Variants in COL5A2 observed in about 807,000 individuals in gnomAD.
COL5A2 encodes collagen type V alpha 2 chain.
A neutral mutation model predicts 208.2 loss-of-function variants in COL5A2; 23 were observed. The observed-to-expected ratio is 0.11, with a 90% CI of 0.08 to 0.16. The LOEUF (loss-of-function observed/expected upper bound fraction) is 0.16, where lower values mean the gene tolerates loss of function less well. Among genes scored for constraint, COL5A2 ranks in the 10% least tolerant of loss-of-function variants. The pLI is 1.00. For synonymous variants in COL5A2, 625 were observed against 628.5 expected (o/e 0.99, Z 0.08); for missense variants, 1,590 against 1,956.4 (o/e 0.81, Z 3.53).
chr2:189,250,834 C>T, the COL5A2 span, among the ~76,000 whole-genome samples: 1 of 152,288 alleles, frequency 6.6e-6, no homozygotes, highest in East Asian at 1.9e-4. Flanking sequence ...AGCTACCATA[C>T]CATCTTCATT....
At chr2:189,174,950 T>C (rs936709771) in intron 1 of COL5A2, among the ~76,000 whole-genome samples, 8 of 152,338 alleles carry the variant, frequency 5.3e-5, no homozygotes, top group African/African-American at 1.7e-4. Flanking sequence ...CTAATATTTA[T>C]GTGCCATTCA....
chr2:189,365,839 G>A, the COL5A2 span, among the ~76,000 whole-genome samples: 1 of 152,200 alleles, frequency 6.6e-6, no homozygotes, highest in African/African-American at 2.4e-5. Flanking sequence ...GTAGCAAAGT[G>A]ACCAGTAAAG....
intron 1 of COL5A2, among the ~76,000 whole-genome samples, chr2:189,220,686 T>C (rs1377898044): frequency 6.6e-6 from 1 of 152,220 alleles, no homozygotes; most frequent in Non-Finnish European, 1.5e-5. Context: ...ATCTGTCATC[T>C]TGGTTATAAA....
intron 1 of COL5A2, among the ~76,000 whole-genome samples, chr2:189,143,275 T>G (rs1314413445): frequency 6.6e-6 from 1 of 152,218 alleles, no homozygotes; most frequent in Non-Finnish European, 1.5e-5. Context: ...CTGTATCTAC[T>G]GGAAGAAGGA....
At chr2:189,150,429 TG>T (rs1688121180) in intron 1 of COL5A2, among the ~76,000 whole-genome samples, 1 of 152,174 alleles carries the variant, frequency 6.6e-6, no homozygotes, top group Non-Finnish European at 1.5e-5. Context: ...CTGAGGTGAT[TG>T]CTGTTTGGAA....
the COL5A2 span, among the ~76,000 whole-genome samples, chr2:189,230,890 C>T: frequency 6.6e-6 from 1 of 151,800 alleles, no homozygotes; most frequent in Non-Finnish European, 1.5e-5. Flanking sequence ...ATTTGTATTC[C>T]CATATTCATT....
the COL5A2 span, among the ~76,000 whole-genome samples, chr2:189,352,183 T>G: frequency 6.6e-6 from 1 of 152,200 alleles, no homozygotes; most frequent in East Asian, 1.9e-4. Context: ...TGCCACATTT[T>G]CCTTACCCAG....
At chr2:189,322,109 A>G in the COL5A2 span, among the ~76,000 whole-genome samples, 3 of 152,240 alleles carry the variant, frequency 2.0e-5, no homozygotes, top group Non-Finnish European at 4.4e-5. Flanking sequence ...GGCAGAAATA[A>G]AGATGTTCTT....
intron 1 of COL5A2, among the ~76,000 whole-genome samples, chr2:189,128,379 C>G (rs186748350): frequency 1.9e-4 from 29 of 152,136 alleles, no homozygotes; most frequent in African/African-American, 6.7e-4. Flanking sequence ...TATGATCTTT[C>G]AGCTCTTCTG....
At chr2:189,275,595 A>G in the COL5A2 span, among the ~76,000 whole-genome samples, 12 of 151,868 alleles carry the variant, frequency 7.9e-5, no homozygotes, top group Non-Finnish European at 1.6e-4. Flanking sequence ...CTGGGATTAC[A>G]GGCACGCGCC....
chr2:189,065,631 G>T (rs1218673683), intron 23 of COL5A2, among the ~76,000 whole-genome samples: 1 of 152,142 alleles, frequency 6.6e-6, no homozygotes, highest in Non-Finnish European at 1.5e-5. Context: ...AGAGGCATAG[G>T]TACCATCTAT....
chr2:189,077,205 A>C (rs1399914594), intron 16 of COL5A2, among the ~76,000 whole-genome samples: 1 of 152,124 alleles, frequency 6.6e-6, no homozygotes, highest in African/African-American at 2.4e-5. Context: ...CTAATTTGGA[A>C]GACAACTTAA....
rs182000489 is a variant in COL5A2, at chr2:189,058,397, T to C, written c.2229+32A>G. The C allele has an allele frequency of 6.5e-6, 10 of 1,543,512 alleles. No homozygotes were observed. In the East Asian group the frequency reaches 1.3e-4, roughly 21 times the overall value. ...TTTATTAAGCAGTAATTTTAAAGCATTTTAAAACACTGAGATCACTATGAC... is the reference window on the plus strand; with the variant it reads ...TTTATTAAGCAGTAATTTTAAAGCACTTTAAAACACTGAGATCACTATGAC... On this transcript the variant is annotated intron_variant, in intron 33 of 53. Transcript: ENST00000374866.
At chr2:189,305,477 G>A in the COL5A2 span, among the ~76,000 whole-genome samples, 101 of 152,320 alleles carry the variant, frequency 6.6e-4, no homozygotes, top group African/African-American at 2.2e-3. Flanking sequence ...ATGTGAGGAT[G>A]TAATAATGAG....
intron 1 of COL5A2, among the ~76,000 whole-genome samples, chr2:189,172,190 T>C (rs535227611): frequency 3.3e-5 from 5 of 152,206 alleles, no homozygotes; most frequent in African/African-American, 7.2e-5. Context: ...AGACACAGGC[T>C]GTGGGAGAGA....
intron 1 of COL5A2, among the ~76,000 whole-genome samples, chr2:189,186,894 CT>C (rs1178210315): frequency 6.6e-6 from 1 of 152,034 alleles, no homozygotes; most frequent in Admixed American, 6.6e-5. Context: ...AAGATATTTC[CT>C]TTTTTGTATT....
the COL5A2 span, among the ~76,000 whole-genome samples, chr2:189,425,619 A>G: frequency 6.6e-6 from 1 of 152,202 alleles, no homozygotes; most frequent in African/African-American, 2.4e-5. Context: ...ACCACATGAT[A>G]CAATTTGAAT....
intron 6 of COL5A2, chr2:189,095,953 T>G (rs1435565000): frequency 6.7e-6 from 1 of 149,120 alleles, no homozygotes; most frequent in East Asian, 2.0e-4. Context: ...CACCCCAAGA[T>G]ATGGCCAATC....
At chr2:189,188,850 A>G (rs1688887732) in intron 1 of COL5A2, among the ~76,000 whole-genome samples, 1 of 152,218 alleles carries the variant, frequency 6.6e-6, no homozygotes, top group Non-Finnish European at 1.5e-5. Flanking sequence ...TTTTCTTGCT[A>G]TAGAGAGGGC....
Sources: allele counts gnomAD v4.1 joint callset (sites outside exome capture counted in the v4.1 genomes callset), GRCh38; gene constraint gnomAD v4.1.1; transcripts MANE v1.5; gene names NCBI Gene and HGNC (gene_info 2026-07-23, HGNC 2026-07-21).